KHDRBS2: variants seen among roughly 807,000 people sequenced by gnomAD.
KHDRBS2 encodes KH domain-containing, RNA-binding, signal transduction-associated protein 2.
In KHDRBS2, 26 loss-of-function variants were observed where a neutral mutation model predicts 44.3. That is an observed-to-expected ratio of 0.59 (90% confidence interval 0.43 to 0.81). The LOEUF (loss-of-function observed/expected upper bound fraction) is 0.81. KHDRBS2 is among the 40% of genes least tolerant of loss of function. The pLI, the probability that KHDRBS2 is intolerant of heterozygous loss-of-function variation, is 0.00. For missense variants in KHDRBS2, 476 were observed against 433.1 expected, an observed-to-expected ratio of 1.10 and a Z score of -0.88; for synonymous variants, 194 against 151.1, an observed-to-expected ratio of 1.28 and a Z score of -2.08.
intron 1 of KHDRBS2, among the ~76,000 whole-genome samples, chr6:62,209,195 A>G (rs1326223137): frequency 6.6e-6 from 1 of 152,244 alleles, no homozygotes; most frequent in Non-Finnish European, 1.5e-5. Context: ...TGTAGTTTTG[A>G]CAGCATAAAG....
chr6:61,556,359 TGG>T, the KHDRBS2 span, among the ~76,000 whole-genome samples: 6 of 152,232 alleles, frequency 3.9e-5, no homozygotes, highest in Non-Finnish European at 8.8e-5. Context: ...TTAATCACTC[TGG>T]ATCTCACCAA....
At chr6:61,777,324 A>G (rs1782232179) in intron 6 of KHDRBS2, among the ~76,000 whole-genome samples, 1 of 152,004 alleles carries the variant, frequency 6.6e-6, no homozygotes, top group African/African-American at 2.4e-5. Flanking sequence ...ACTGGGTCTA[A>G]CAAAATACAA....
the KHDRBS2 span, among the ~76,000 whole-genome samples, chr6:61,570,849 C>A: frequency 6.6e-6 from 1 of 151,984 alleles, no homozygotes; most frequent in African/African-American, 2.4e-5. Context: ...GAGATAAAGC[C>A]TTTTTCAGAC....
At chr6:61,568,812 C>T in the KHDRBS2 span, among the ~76,000 whole-genome samples, 14 of 152,282 alleles carry the variant, frequency 9.2e-5, no homozygotes, top group Non-Finnish European at 1.5e-5. Context: ...CTCACAGGGG[C>T]CCTCAGGGAA....
chr6:61,914,596 C>A (rs1182836479), intron 4 of KHDRBS2, among the ~76,000 whole-genome samples: 1 of 152,010 alleles, frequency 6.6e-6, no homozygotes, highest in Non-Finnish European at 1.5e-5. Flanking sequence ...CAACATGGCA[C>A]ATGTATACAT....
At chr6:61,934,922 C>T (rs1810756472) in intron 4 of KHDRBS2, among the ~76,000 whole-genome samples, 1 of 152,138 alleles carries the variant, frequency 6.6e-6, no homozygotes, top group Non-Finnish European at 1.5e-5. Context: ...ATCTCAAGAG[C>T]TTCATCATTG....
chr6:62,213,674 A>C (rs1389206350), intron 1 of KHDRBS2, among the ~76,000 whole-genome samples: 1 of 151,838 alleles, frequency 6.6e-6, no homozygotes, highest in African/African-American at 2.4e-5. Context: ...GGAGATCAAG[A>C]CCATCCTGGC....
chr6:61,566,524 A>T, the KHDRBS2 span, among the ~76,000 whole-genome samples: 1 of 152,170 alleles, frequency 6.6e-6, no homozygotes, highest in African/African-American at 2.4e-5. Context: ...TATAATTATT[A>T]TGTAATCATG....
At chr6:61,899,153 C>T (rs1486586371) in intron 5 of KHDRBS2, among the ~76,000 whole-genome samples, 3 of 151,614 alleles carry the variant, frequency 2.0e-5, no homozygotes, top group Non-Finnish European at 4.4e-5. Flanking sequence ...ACATTCTTTC[C>T]CAAATTAAGG....
chr6:61,993,912 G>T (rs1358617093), intron 3 of KHDRBS2, among the ~76,000 whole-genome samples: 1 of 151,864 alleles, frequency 6.6e-6, no homozygotes, highest in African/African-American at 2.4e-5. Context: ...TTAGGAAATT[G>T]ATTGACTCAA....
chr6:62,038,528 T>C (rs1212552958), intron 3 of KHDRBS2, among the ~76,000 whole-genome samples: 6 of 152,094 alleles, frequency 3.9e-5, no homozygotes, highest in Admixed American at 3.9e-4. Context: ...GAATGACTTG[T>C]GAATTTAAAA....
intron 8 of KHDRBS2, among the ~76,000 whole-genome samples, chr6:61,696,504 G>T (rs891101148): frequency 6.6e-6 from 1 of 151,780 alleles, no homozygotes; most frequent in Non-Finnish European, 1.5e-5. Flanking sequence ...TGATCCGCCC[G>T]CCTCAGCCTC....
intron 6 of KHDRBS2, among the ~76,000 whole-genome samples, chr6:61,809,949 A>T (rs1787837972): frequency 6.6e-6 from 1 of 152,186 alleles, no homozygotes; most frequent in African/African-American, 2.4e-5. Context: ...TTTTAGCAGT[A>T]TCTCAAGAAA....
chr6:62,208,046 T>G (rs1346180819), intron 1 of KHDRBS2, among the ~76,000 whole-genome samples: 1 of 152,190 alleles, frequency 6.6e-6, no homozygotes, highest in Non-Finnish European at 1.5e-5. Context: ...TCATTTTCTC[T>G]GCCCCCTCTC....
intron 2 of KHDRBS2, among the ~76,000 whole-genome samples, chr6:62,067,482 C>T (rs990766432): frequency 6.6e-6 from 1 of 151,450 alleles, no homozygotes; most frequent in Non-Finnish European, 1.5e-5. Flanking sequence ...ACTGAGTGTA[C>T]ATTCAGTCAT....
At chr6:61,628,462 A>T in the KHDRBS2 span, among the ~76,000 whole-genome samples, 1 of 152,030 alleles carries the variant, frequency 6.6e-6, no homozygotes, top group Non-Finnish European at 1.5e-5. Context: ...GCTGCAGGGG[A>T]ACCTGCAATT....
At chr6:62,035,470 T>G (rs1785115179) in intron 3 of KHDRBS2, among the ~76,000 whole-genome samples, 1 of 151,818 alleles carries the variant, frequency 6.6e-6, no homozygotes, top group Non-Finnish European at 1.5e-5. Flanking sequence ...AGACAGAAAG[T>G]AGAATGATGG....
At position 62,257,638 on chromosome 6, in the gene KHDRBS2, G is replaced by T. The variant is rs557639005; in HGVS notation, c.91+28220C>A. On this transcript the variant is annotated intron_variant, in intron 1 of 8. Coordinates refer to ENST00000281156, the MANE Select transcript of KHDRBS2 (RefSeq NM_152688.4). The stretch of plus-strand genomic sequence containing the variant: ...GGCAGAGGTGGCCCCTGTAGCTGGG[G>T]GCTATTTCCCCTGCTCAATGAGAAA... Among the ~76,000 whole-genome samples, 4 of 152,052 alleles carry T rather than the reference G, an allele frequency of 2.6e-5. No homozygotes were observed. In the South Asian group the frequency reaches 8.3e-4, roughly 32 times the overall value.
the KHDRBS2 span, among the ~76,000 whole-genome samples, chr6:61,606,872 A>T: frequency 9.9e-5 from 15 of 152,212 alleles, no homozygotes; most frequent in African/African-American, 3.1e-4. Context: ...TAGATATCTC[A>T]AACATGTCAA....
Sources: gnomAD v4.1 joint callset for allele counts (sites outside exome capture counted in the v4.1 genomes callset) on GRCh38, gnomAD v4.1.1 for gene constraint, MANE v1.5 for transcripts, NCBI Gene and HGNC (gene_info 2026-07-23, HGNC 2026-07-21) for gene names.